OXNAD1: variants seen among roughly 807,000 people sequenced by gnomAD.
The protein encoded by OXNAD1 is oxidoreductase NAD-binding domain-containing protein 1.
A neutral mutation model predicts 32.9 loss-of-function variants in OXNAD1; 34 were observed. That is an observed-to-expected ratio of 1.03 (90% CI 0.79 to 1.38). The LOEUF is 1.38. Among genes scored for constraint, OXNAD1 ranks in the 40% most tolerant of loss-of-function variants. OXNAD1 has a pLI of 0.00. For missense variants in OXNAD1, 407 were observed against 379.4 expected, an observed-to-expected ratio of 1.07 and a Z score of -0.60; for synonymous variants, 134 against 135.2, an observed-to-expected ratio of 0.99 and a Z score of 0.06.
chr3:16,308,812 AC>A (rs1328025590), downstream of OXNAD1, among the ~76,000 whole-genome samples: 4 of 152,164 alleles, frequency 2.6e-5, no homozygotes, highest in African/African-American at 7.2e-5. This position sits in a 1 kb window ranked among gnomAD's most constrained non-coding sequence, Gnocchi z 4.4. Context: ...CATCAGCCTA[AC>A]CTGGCCCCTT....
chr3:16,343,183 A>G (rs1229531087), intron 9 of OXNAD1, among the ~76,000 whole-genome samples: 1 of 152,164 alleles, frequency 6.6e-6, no homozygotes, highest in Non-Finnish European at 1.5e-5. Context: ...TCTGAGGACT[A>G]GCAAGGTTTG....
intron 9 of OXNAD1, among the ~76,000 whole-genome samples, chr3:16,347,249 A>G (rs528944499): frequency 1.3e-5 from 2 of 152,268 alleles, no homozygotes; most frequent in South Asian, 4.1e-4. Context: ...TGTCAAGGAC[A>G]CCCTACAGGG....
At position 16,299,556 on chromosome 3, in the gene OXNAD1, G is replaced by A. The variant is rs1179442328; in HGVS notation, c.433-2070G>A. 6.6e-6 allele frequency among the ~76,000 whole-genome samples: 1 copy of A among 152,118 alleles called. No homozygotes were observed. Among genetic ancestry groups the A allele is most frequent in the African/African-American group, 2.4e-5 (1 of 41,414 alleles). ...TCTTTACCAAAAAAGACATGTTTTTGTGAATTCAAATAATTTTCATTTTTC... is the reference window on the plus strand; with the variant it reads ...TCTTTACCAAAAAAGACATGTTTTTATGAATTCAAATAATTTTCATTTTTC... On this transcript the variant is annotated intron_variant, in intron 6 of 8. Coordinates refer to ENST00000285083, the MANE Select transcript of OXNAD1 (RefSeq NM_138381.5). This position sits in a 1 kb window ranked among gnomAD's most constrained non-coding sequence, Gnocchi z 4.4.
intron 5 of OXNAD1, among the ~76,000 whole-genome samples, chr3:16,292,331 C>T (rs962651690): frequency 1.3e-5 from 2 of 152,064 alleles, no homozygotes; most frequent in Non-Finnish European, 2.9e-5. Flanking sequence ...GCTGGGACTA[C>T]AGGTGCATCT....
chr3:16,307,791 G>T (rs5022485), downstream of OXNAD1, among the ~76,000 whole-genome samples: 1 of 151,810 alleles, frequency 6.6e-6, no homozygotes, highest in South Asian at 2.1e-4. Context: ...GACAAGACAG[G>T]GTTCCTCTAT....
rs973157826 is a variant in OXNAD1 at position 16,274,821 on chromosome 3, G to A, written c.183+3099G>A. ...GACCGAATCGTACCATTTATTCACC[G>A]AATTTTAACTTTAATTTGGAAAATT... On this transcript the variant is annotated intron_variant, in intron 4 of 8. Coordinates refer to ENST00000285083, the MANE Select transcript of OXNAD1 (RefSeq NM_138381.5). Among the ~76,000 whole-genome samples the A allele has an allele frequency of 4.6e-5, 7 of 152,102 alleles. No individual in the cohort carries two copies. The East Asian group carries it at 9.6e-4, about 21-fold the overall frequency.
rs1448009401 is a variant in OXNAD1 at position 16,290,891 on chromosome 3, A to G, written c.291-3965A>G. On this transcript the variant is annotated intron_variant, in intron 5 of 8. Coordinates refer to ENST00000285083, the MANE Select transcript of OXNAD1 (RefSeq NM_138381.5). The surrounding 1 kb of genome is among the most constrained non-coding windows in gnomAD (Gnocchi z 4.2). ...TTTTAGGCCTGTATGTAGGTAAGCA[A>G]CTGGGGAAGGATGATACTTTTTGCT... Among the ~76,000 whole-genome samples the G allele has an allele frequency of 6.6e-6, 1 of 152,200 alleles. No homozygotes were observed. Among genetic ancestry groups the G allele is most frequent in the Admixed American group, 6.5e-5 (1 of 15,270 alleles).
Position 16,346,049 on chromosome 3 carries a change from C to G in OXNAD1, c.*31-3127C>G, listed in dbSNP as rs767388509. On this transcript the variant is annotated intron_variant, in intron 9 of 9. Coordinates refer to the OXNAD1 transcript ENST00000606098. The surrounding 1 kb of genome is among the most constrained non-coding windows in gnomAD (Gnocchi z 4.4). Reference sequence around the variant, plus strand: ...CTTTGCCCCATGATCTTCACCAGAACGGCATACTTGCCTCTCCCCTCGTCA... The same window carrying G: ...CTTTGCCCCATGATCTTCACCAGAAGGGCATACTTGCCTCTCCCCTCGTCA... 6.6e-6 allele frequency: 1 copy of G among 152,200 alleles called. No homozygotes were observed. Among genetic ancestry groups the G allele is most frequent in the East Asian group, 1.9e-4 (1 of 5,188 alleles). The allele number at this position is 152,200 out of a possible 1,614,324, so 9.4% of individuals were successfully genotyped here. A position where few individuals can be genotyped will look rare whatever the true frequency, so the allele number is the denominator to read the frequency against.
Position 16,271,245 on chromosome 3 carries a change from C to A in OXNAD1, c.119+174C>A. The A allele has an allele frequency of 1.3e-6, 1 of 771,048 alleles. No homozygotes were observed. Among genetic ancestry groups the A allele is most frequent in the Non-Finnish European group, 2.0e-6 (1 of 491,298 alleles). 47.8% of individuals were successfully genotyped at this position (771,048 alleles called of 1,614,324 possible). The stretch of plus-strand genomic sequence containing the variant: ...CTGAGATGGAGTCTTGCTCCGTCGC[C>A]TGGGCTGGAGTGCAGTGGCACGATC... On this transcript the variant is annotated intron_variant, in intron 3 of 8. Coordinates refer to ENST00000285083, the MANE Select transcript of OXNAD1 (RefSeq NM_138381.5). This position sits in a 1 kb window ranked among gnomAD's most constrained non-coding sequence, Gnocchi z 4.6.
At chr3:16,291,345 C>T (rs1158088942) in intron 5 of OXNAD1, among the ~76,000 whole-genome samples, 1 of 152,122 alleles carries the variant, frequency 6.6e-6, no homozygotes, top group Non-Finnish European at 1.5e-5. Flanking sequence ...CAGAGTTGTG[C>T]AGCTATCAGC....
rs137862950 is a variant in OXNAD1 at position 16,334,293 on chromosome 3, G to T, written c.*31-2819G>T. 6.6e-6 allele frequency among the ~76,000 whole-genome samples: 1 copy of T among 152,184 alleles called. No individual in the cohort carries two copies. On this transcript the variant is annotated intron_variant, in intron 9 of 9. Coordinates refer to the OXNAD1 transcript ENST00000435829. This position sits in a 1 kb window ranked among gnomAD's most constrained non-coding sequence, Gnocchi z 4.3. ...TTGCCAAGGCCGTGGGGAAGCATGC[G>T]TTCTTGTACATTGCTAGTGGAAGGG...
chr3:16,309,053 A>C (rs2067772063), downstream of OXNAD1, among the ~76,000 whole-genome samples: 1 of 152,264 alleles, frequency 6.6e-6, no homozygotes, highest in Non-Finnish European at 1.5e-5. Context: ...TGTATAAAAA[A>C]CTTGCTGGGT....
intron 5 of OXNAD1, among the ~76,000 whole-genome samples, chr3:16,291,089 G>A (rs1445142795): frequency 2.6e-5 from 4 of 152,134 alleles, no homozygotes; most frequent in Admixed American, 1.3e-4. Context: ...ATTATTGAAA[G>A]CTTGAAACCC....
chr3:16,281,117 A>G (rs866007433), intron 4 of OXNAD1, among the ~76,000 whole-genome samples: 2 of 152,370 alleles, frequency 1.3e-5, no homozygotes, highest in Non-Finnish European at 1.5e-5. Flanking sequence ...CTTTTGGAGT[A>G]AAATAAATAT....
rs895874729 is a variant in OXNAD1, at chr3:16,312,173, G to A, written c.*30+8581G>A. ...TGAACATCACTTTGCTTCCTTCTCT[G>A]GCAACAGCTGCCTCAGAAACCTAGC... On this transcript the variant is annotated intron_variant, in intron 9 of 9. Transcript: ENST00000435829. This position sits in a 1 kb window ranked among gnomAD's most constrained non-coding sequence, Gnocchi z 4.7. Among the ~76,000 whole-genome samples the A allele has an allele frequency of 9.8e-5, 15 of 152,294 alleles. No individual in the cohort carries two copies. Among genetic ancestry groups the A allele is most frequent in the Middle Eastern group, 6.8e-3 (2 of 294 alleles).
chr3:16,333,948 G>A (rs760905575), intron 9 of OXNAD1, among the ~76,000 whole-genome samples: 14 of 152,018 alleles, frequency 9.2e-5, no homozygotes, highest in South Asian at 2.1e-4. Context: ...GGTAGAGCAC[G>A]AGGTCAGGAG....
chr3:16,318,407 G>A (rs1181203149), intron 9 of OXNAD1, among the ~76,000 whole-genome samples: 3 of 152,172 alleles, frequency 2.0e-5, no homozygotes, highest in Non-Finnish European at 4.4e-5. Flanking sequence ...GAGGAGCCCA[G>A]GAATGCAGTT....
chr3:16,341,290 A>G (rs1308751480), downstream of OXNAD1, among the ~76,000 whole-genome samples: 4 of 152,242 alleles, frequency 2.6e-5, no homozygotes, highest in Admixed American at 6.5e-5. This position sits in a 1 kb window ranked among gnomAD's most constrained non-coding sequence, Gnocchi z 4.7. Context: ...TGATCCAGCA[A>G]TCATACTCCT....
At chr3:16,319,506 G>A (rs1013951338) in intron 9 of OXNAD1, among the ~76,000 whole-genome samples, 5 of 152,190 alleles carry the variant, frequency 3.3e-5, no homozygotes, top group African/African-American at 9.7e-5. Context: ...TGTATTTGAT[G>A]TGAATAGCGC....
Sources: gnomAD v4.1 joint callset for allele counts (sites outside exome capture counted in the v4.1 genomes callset) on GRCh38, gnomAD v4.1.1 for gene constraint, Gnocchi (gnomAD v3.1) non-coding constraint, MANE v1.5 for transcripts, NCBI Gene and HGNC (gene_info 2026-07-23, HGNC 2026-07-21) for gene names.